CSMD1: variants seen among roughly 807,000 people sequenced by gnomAD.
CSMD1 encodes the protein CUB and Sushi multiple domains 1.
A neutral mutation model predicts 417.5 loss-of-function variants in CSMD1; 213 were observed. That is an observed-to-expected ratio of 0.51 (90% CI 0.46 to 0.57). The LOEUF (loss-of-function observed/expected upper bound fraction) is 0.57, where lower values mean the gene tolerates loss of function less well. Ranked by LOEUF, CSMD1 falls within the 20% of genes least tolerant of loss-of-function variation. CSMD1 has a pLI of 0.00. For missense variants in CSMD1, 6,923 were observed against 4,529.7 expected, an observed-to-expected ratio of 1.53 and a Z score of -15.17; for synonymous variants, 2,862 against 1,736.8, an observed-to-expected ratio of 1.65 and a Z score of -16.11.
intron 3 of CSMD1, among the ~76,000 whole-genome samples, chr8:4,347,358 A>G (rs959548881): frequency 6.6e-6 from 1 of 152,098 alleles, no homozygotes; most frequent in Non-Finnish European, 1.5e-5. Flanking sequence ...TATAATCGAT[A>G]CTCTCTGCTC....
intron 1 of CSMD1, among the ~76,000 whole-genome samples, chr8:4,799,019 A>AG (rs1798133920): frequency 6.6e-6 from 1 of 152,066 alleles, no homozygotes; most frequent in Non-Finnish European, 1.5e-5. Context: ...TCTGATATCC[A>AG]GGGGGGTTTC....
intron 7 of CSMD1, among the ~76,000 whole-genome samples, chr8:3,702,903 A>T (rs1485527288): frequency 2.0e-5 from 3 of 152,202 alleles, no homozygotes; most frequent in Admixed American, 2.0e-4. Context: ...CAGAATAAAG[A>T]GCAGTTCACC....
chr8:3,850,886 T>C (rs372629692), intron 5 of CSMD1, among the ~76,000 whole-genome samples: 4 of 152,160 alleles, frequency 2.6e-5, no homozygotes, highest in African/African-American at 9.7e-5. Flanking sequence ...TCAGCATTAT[T>C]ATCACAGGAA....
At chr8:3,334,940 T>C (rs1429959201) in intron 23 of CSMD1, among the ~76,000 whole-genome samples, 1 of 152,234 alleles carries the variant, frequency 6.6e-6, no homozygotes, top group Non-Finnish European at 1.5e-5. Context: ...CGTCAGCTCC[T>C]AGTCCAACGA....
At chr8:3,051,516 G>C (rs890137048) in intron 50 of CSMD1, among the ~76,000 whole-genome samples, 1 of 152,260 alleles carries the variant, frequency 6.6e-6, no homozygotes, top group East Asian at 1.9e-4. Flanking sequence ...CCTGGCTGAG[G>C]AAACTATCTC....
chr8:3,902,509 G>C (rs571169055), intron 5 of CSMD1, among the ~76,000 whole-genome samples: 125 of 152,152 alleles, frequency 8.2e-4, no homozygotes, highest in Non-Finnish European at 1.4e-3. Flanking sequence ...ACTTCCACCT[G>C]AGATCATCAG....
chr8:4,745,547 A>C (rs115481618), intron 1 of CSMD1, among the ~76,000 whole-genome samples: 1,772 of 152,256 alleles, frequency 0.012, 26 homozygotes, highest in African/African-American at 0.029. Context: ...TGTTCATCTG[A>C]CTATTCACTT....
intron 2 of CSMD1, among the ~76,000 whole-genome samples, chr8:4,563,665 T>A (rs185875595): frequency 6.3e-4 from 96 of 152,342 alleles, no homozygotes; most frequent in African/African-American, 2.1e-3. Context: ...TGTAAAACTT[T>A]ACACATTACA....
At chr8:3,349,318 C>G (rs1282543053) in intron 21 of CSMD1, among the ~76,000 whole-genome samples, 2 of 152,166 alleles carry the variant, frequency 1.3e-5, no homozygotes, top group Non-Finnish European at 2.9e-5. Flanking sequence ...ACACAATCAG[C>G]TACATCACTG....
intron 3 of CSMD1, among the ~76,000 whole-genome samples, chr8:4,231,307 G>C (rs1428213263): frequency 6.6e-6 from 1 of 152,202 alleles, no homozygotes; most frequent in Non-Finnish European, 1.5e-5. Flanking sequence ...GTGAGGCTCA[G>C]AGTCATGGGT....
intron 6 of CSMD1, among the ~76,000 whole-genome samples, chr8:3,720,974 C>G (rs747097887): frequency 6.6e-6 from 1 of 150,938 alleles, no homozygotes; most frequent in Non-Finnish European, 1.5e-5. Flanking sequence ...CACCACTACA[C>G]CCGGCTAATT....
chr8:3,486,093 G>A (rs1381025322), intron 11 of CSMD1, among the ~76,000 whole-genome samples: 2 of 152,170 alleles, frequency 1.3e-5, no homozygotes, highest in Admixed American at 6.5e-5. Context: ...AACAATACTG[G>A]TGCATTAAAT....
rs951464997 is a variant in CSMD1, at chr8:4,213,801, C to T, written c.416-181702G>A. Among the ~76,000 whole-genome samples the T allele has an allele frequency of 3.3e-5, 5 of 152,238 alleles. No homozygotes were observed. The South Asian group carries it at 8.3e-4, about 25-fold the overall frequency. ...GTGGTGAGGGTGGAACGCAAACTAA[C>T]TTGCATTGAGAAAGATAAGAAAAGA... On this transcript the variant is annotated intron_variant, in intron 3 of 69. Transcript: ENST00000635120.
At chr8:3,226,249 A>G (rs976482921) in intron 27 of CSMD1, among the ~76,000 whole-genome samples, 1 of 152,156 alleles carries the variant, frequency 6.6e-6, no homozygotes, top group Non-Finnish European at 1.5e-5. Context: ...TGCAGGCTAT[A>G]TAAGATAATG....
intron 2 of CSMD1, among the ~76,000 whole-genome samples, chr8:4,458,127 T>C (rs1340423282): frequency 6.6e-6 from 1 of 152,200 alleles, no homozygotes; most frequent in Non-Finnish European, 1.5e-5. Flanking sequence ...TTTCTGTGTT[T>C]AAATTACTTT....
At chr8:3,476,832 G>A (rs1225839721) in intron 11 of CSMD1, among the ~76,000 whole-genome samples, 1 of 150,170 alleles carries the variant, frequency 6.7e-6, no homozygotes, top group African/African-American at 2.5e-5. Flanking sequence ...GCAAGGGAAT[G>A]GCTTGAACCT....
intron 1 of CSMD1, among the ~76,000 whole-genome samples, chr8:4,783,692 A>C (rs1221583790): frequency 1.3e-5 from 2 of 152,186 alleles, no homozygotes; most frequent in African/African-American, 4.8e-5. Context: ...TGTACTCAGA[A>C]GGGTGTCAAT....
At chr8:3,260,308 C>G (rs937829167) in intron 26 of CSMD1, among the ~76,000 whole-genome samples, 1 of 152,070 alleles carries the variant, frequency 6.6e-6, no homozygotes, top group Non-Finnish European at 1.5e-5. Flanking sequence ...TGTGAGGCTC[C>G]CTGGCTTTGG....
intron 2 of CSMD1, among the ~76,000 whole-genome samples, chr8:4,445,452 C>G (rs559987499): frequency 1.8e-4 from 27 of 152,250 alleles, no homozygotes; most frequent in African/African-American, 6.3e-4. Flanking sequence ...AAAATTTATA[C>G]CCTCCAGTGA....
Sources: gnomAD v4.1 joint callset for allele counts (sites outside exome capture counted in the v4.1 genomes callset) on GRCh38, gnomAD v4.1.1 for gene constraint, MANE v1.5 for transcripts, NCBI Gene and HGNC (gene_info 2026-07-23, HGNC 2026-07-21) for gene names.